The following GPC5 variants were observed in gnomAD, a reference collection of about 807,000 sequenced individuals.
GPC5 encodes glypican-5.
A neutral mutation model predicts 53.9 loss-of-function variants in GPC5; 47 were observed. The observed-to-expected ratio is 0.87, with a 90% CI of 0.69 to 1.11. The LOEUF is 1.11. Ranked by LOEUF, GPC5 falls within the 50% of genes most tolerant of loss-of-function variation. GPC5 has a pLI of 0.00. For missense variants in GPC5, 748 were observed against 713.1 expected (o/e 1.05, Z -0.56); for synonymous variants, 286 against 263.3 (o/e 1.09, Z -0.84).
chr13:91,532,828 C>T (rs1886412529), intron 2 of GPC5, among the ~76,000 whole-genome samples: 1 of 152,056 alleles, frequency 6.6e-6, no homozygotes, highest in South Asian at 2.1e-4. Flanking sequence ...TAGCCAAGAT[C>T]ACACCACTGC....
At chr13:91,533,465 T>A (rs186573726) in intron 2 of GPC5, among the ~76,000 whole-genome samples, 3 of 152,318 alleles carry the variant, frequency 2.0e-5, no homozygotes, top group South Asian at 4.1e-4. Context: ...TGAGTGCTCA[T>A]CTTTGAACTA....
At chr13:92,796,336 G>C (rs1415825736) in intron 7 of GPC5, among the ~76,000 whole-genome samples, 1 of 151,964 alleles carries the variant, frequency 6.6e-6, no homozygotes, top group Non-Finnish European at 1.5e-5. Flanking sequence ...CACAGGGAGG[G>C]GAACATCACA....
chr13:91,946,829 C>A (rs1227610141), intron 6 of GPC5, among the ~76,000 whole-genome samples: 1 of 152,108 alleles, frequency 6.6e-6, no homozygotes, highest in Non-Finnish European at 1.5e-5. Flanking sequence ...GGCCTGGTAC[C>A]TTAGGCCATA....
At chr13:91,757,216 T>A (rs1253102785) in intron 5 of GPC5, among the ~76,000 whole-genome samples, 1 of 152,108 alleles carries the variant, frequency 6.6e-6, no homozygotes, top group African/African-American at 2.4e-5. Flanking sequence ...TATTATAGAA[T>A]GTAGGATAAT....
intron 2 of GPC5, among the ~76,000 whole-genome samples, chr13:91,600,098 T>G (rs2033126919): frequency 6.6e-6 from 1 of 152,152 alleles, no homozygotes; most frequent in Non-Finnish European, 1.5e-5. Context: ...TTTTTTTGTA[T>G]TTTTAGAGGA....
intron 1 of GPC5, among the ~76,000 whole-genome samples, chr13:91,410,700 C>T (rs539419146): frequency 6.6e-5 from 10 of 152,268 alleles, no homozygotes; most frequent in African/African-American, 2.4e-4. Flanking sequence ...CCCTCACTCC[C>T]TCTCAAGGTA....
chr13:92,002,264 T>C (rs2040562489), intron 6 of GPC5, among the ~76,000 whole-genome samples: 3 of 152,206 alleles, frequency 2.0e-5, no homozygotes, highest in Non-Finnish European at 2.9e-5. Context: ...GTTTGTTAAA[T>C]TGTATTACAA....
intron 2 of GPC5, among the ~76,000 whole-genome samples, chr13:91,529,488 T>A (rs1313378112): frequency 3.3e-5 from 5 of 152,230 alleles, no homozygotes; most frequent in Non-Finnish European, 7.3e-5. Context: ...TCTCTTTGAT[T>A]CAGCTTTTAA....
chr13:92,345,653 TC>T (rs2043405077), intron 7 of GPC5, among the ~76,000 whole-genome samples: 1 of 152,150 alleles, frequency 6.6e-6, no homozygotes, highest in African/African-American at 2.4e-5. Context: ...CTGTCCTTCA[TC>T]CCCTCTGAAG....
intron 7 of GPC5, among the ~76,000 whole-genome samples, chr13:92,314,346 G>A (rs1285351624): frequency 6.6e-6 from 1 of 152,094 alleles, no homozygotes; most frequent in African/African-American, 2.4e-5. Context: ...AGAAATAACT[G>A]TAGCAAAATT....
chr13:92,507,870 A>G (rs1880429342), intron 7 of GPC5, among the ~76,000 whole-genome samples: 1 of 152,152 alleles, frequency 6.6e-6, no homozygotes, highest in Admixed American at 6.5e-5. Flanking sequence ...GGTGAATTTG[A>G]AAAATTATGA....
chr13:91,832,301 T>TC (rs1491119441), intron 5 of GPC5, among the ~76,000 whole-genome samples: 4 of 34,772 alleles, frequency 1.2e-4, no homozygotes, highest in Admixed American at 4.0e-4. Context: ...CTTTTTTCTC[T>TC]TTTTTTTTTT....
At chr13:92,347,855 A>ATATATAAAATATATATAATATATATAT (rs1566549576) in intron 7 of GPC5, among the ~76,000 whole-genome samples, 2 of 22,806 alleles carry the variant, frequency 8.8e-5, no homozygotes, top group African/African-American at 1.2e-3. Context: ...TGTTTTATAC[A>ATATATAAAATATATATAATATATATAT]TATATATATT....
chr13:91,809,238 T>TATACC (rs1367964932), intron 5 of GPC5, among the ~76,000 whole-genome samples: 1 of 152,158 alleles, frequency 6.6e-6, no homozygotes, highest in Admixed American at 6.6e-5. Context: ...GATTTGCTAT[T>TATACC]ATACCATCAG....
At chr13:91,523,148 G>A (rs954254466) in intron 2 of GPC5, among the ~76,000 whole-genome samples, 1 of 152,150 alleles carries the variant, frequency 6.6e-6, no homozygotes, top group Non-Finnish European at 1.5e-5. Context: ...TGGTGGAAAC[G>A]TAAATTGGTA....
At chr13:92,750,882 G>T (rs1889369099) in intron 7 of GPC5, among the ~76,000 whole-genome samples, 1 of 151,964 alleles carries the variant, frequency 6.6e-6, no homozygotes, top group Non-Finnish European at 1.5e-5. Flanking sequence ...ATGTTTTCTG[G>T]CCTTCAACAG....
At chr13:91,537,205 C>T (rs145120630) in intron 2 of GPC5, among the ~76,000 whole-genome samples, 120 of 151,748 alleles carry the variant, frequency 7.9e-4, no homozygotes, top group East Asian at 7.5e-3. Flanking sequence ...TTAAAGGAAA[C>T]GAGTTAAACA....
intron 6 of GPC5, among the ~76,000 whole-genome samples, chr13:92,122,681 G>C (rs927577181): frequency 4.1e-5 from 6 of 146,766 alleles, no homozygotes; most frequent in African/African-American, 1.5e-4. Flanking sequence ...TGTAATAATG[G>C]TTATGGTTTC....
rs564929139 is a variant in GPC5, at chr13:92,135,067, C to G, written c.1402-9763C>G. On this transcript the variant is annotated intron_variant, in intron 6 of 7. Coordinates refer to ENST00000377067, the MANE Select transcript of GPC5 (RefSeq NM_004466.6). ...TTTTCCCCCCTCTCTGGTTCTCCTG[C>G]TGCAGGGTCATTATACATTGCTTAC... Among the ~76,000 whole-genome samples the G allele has an allele frequency of 3.9e-4, 59 of 152,232 alleles. 1 individual carries two copies. In the South Asian group the frequency reaches 0.012, roughly 30 times the overall value.
Sources: gnomAD v4.1 joint callset for allele counts (sites outside exome capture counted in the v4.1 genomes callset) on GRCh38, gnomAD v4.1.1 for gene constraint, MANE v1.5 for transcripts, NCBI Gene and HGNC (gene_info 2026-07-23, HGNC 2026-07-21) for gene names.